The following RTL4 variants were observed in gnomAD, a reference collection of about 807,000 sequenced individuals.
The protein encoded by RTL4 is retrotransposon Gag like 4, also known as retrotransposon Gag-like protein 4.
In RTL4, 4 loss-of-function variants were observed where a neutral mutation model predicts 5.3. The observed-to-expected ratio is 0.75, with a 90% CI of 0.37 to 1.72. The LOEUF (loss-of-function observed/expected upper bound fraction) is 1.72, where lower values mean the gene tolerates loss of function less well. Among genes scored for constraint, RTL4 ranks in the 40% most tolerant of loss-of-function variants. The pLI is 0.04. For missense variants in RTL4, 260 were observed against 227.1 expected, an observed-to-expected ratio of 1.14 and a Z score of -0.93; for synonymous variants, 98 against 87.3, an observed-to-expected ratio of 1.12 and a Z score of -0.68.
the RTL4 span, among the ~76,000 whole-genome samples, chrX:112,413,853 T>C: frequency 9.0e-6 from 1 of 111,004 alleles, no homozygotes; most frequent in Non-Finnish European, 1.9e-5. Context: ...TAGAATTGGA[T>C]TGTTTGTAAC....
At chrX:112,281,045 T>A in the RTL4 span, among the ~76,000 whole-genome samples, 4 of 111,040 alleles carry the variant, frequency 3.6e-5, no homozygotes, top group Non-Finnish European at 5.7e-5. Flanking sequence ...AAGAATAGAG[T>A]ACATTGTTAT....
the RTL4 span, among the ~76,000 whole-genome samples, chrX:112,373,959 T>A: frequency 2.7e-4 from 30 of 111,091 alleles, no homozygotes; most frequent in Non-Finnish European, 4.5e-4. Context: ...TTATCAGTAG[T>A]TTGTTTCTTT....
chrX:112,346,401 G>A, the RTL4 span, among the ~76,000 whole-genome samples: 2 of 111,405 alleles, frequency 1.8e-5, no homozygotes, highest in African/African-American at 6.5e-5. Flanking sequence ...AGCCAATGAT[G>A]AGGGAAGGGC....
the RTL4 span, among the ~76,000 whole-genome samples, chrX:112,378,086 A>C: frequency 2.7e-5 from 3 of 111,572 alleles, no homozygotes; most frequent in Middle Eastern, 4.6e-3. Context: ...GATCAGGGCC[A>C]GAGGGCACAA....
chrX:112,454,865 C>T, exon 1 of RTL4: 1 of 1,211,085 alleles, frequency 8.3e-7, no homozygotes, highest in Non-Finnish European at 1.1e-6. Context: ...GTCATGCCTG[C>T]CCTGGCCACC....
chrX:112,455,788 C>A, exon 1 of RTL4: 1 of 632,330 alleles, frequency 1.6e-6, no homozygotes, highest in Non-Finnish European at 2.3e-6. Context: ...AACTGACACG[C>A]TTTGGGGGAA....
At chrX:112,328,910 T>G in the RTL4 span, among the ~76,000 whole-genome samples, 1 of 111,886 alleles carries the variant, frequency 8.9e-6, no homozygotes, top group Admixed American at 9.5e-5. Flanking sequence ...GAATGACTAC[T>G]GGGTACATAA....
chrX:112,133,179 T>C, the RTL4 span, among the ~76,000 whole-genome samples: 2 of 111,873 alleles, frequency 1.8e-5, no homozygotes, highest in African/African-American at 6.5e-5. Context: ...ACATTTCCTT[T>C]GTACCCTCAG....
the RTL4 span, among the ~76,000 whole-genome samples, chrX:112,303,648 C>T: frequency 5.5e-5 from 5 of 91,283 alleles, no homozygotes; most frequent in South Asian, 5.6e-4. Flanking sequence ...AGGAGATATA[C>T]CTAATGCTAA....
the RTL4 span, among the ~76,000 whole-genome samples, chrX:112,240,047 C>A: frequency 8.9e-6 from 1 of 111,884 alleles, no homozygotes; most frequent in Non-Finnish European, 1.9e-5. Flanking sequence ...CACAAAAATG[C>A]TTCAATGAGC....
At chrX:112,384,240 T>C in the RTL4 span, among the ~76,000 whole-genome samples, 4 of 112,451 alleles carry the variant, frequency 3.6e-5, no homozygotes, top group Non-Finnish European at 7.5e-5. Flanking sequence ...TTTTTGCTTT[T>C]GTTGCAATTG....
At chrX:112,410,350 C>T in the RTL4 span, among the ~76,000 whole-genome samples, 3 of 111,748 alleles carry the variant, frequency 2.7e-5, no homozygotes, top group African/African-American at 9.7e-5. Context: ...AATAAAGAAA[C>T]ATTGAACTTA....
the RTL4 span, among the ~76,000 whole-genome samples, chrX:112,096,895 C>T: frequency 6.2e-5 from 7 of 112,279 alleles, no homozygotes; most frequent in Non-Finnish European, 9.4e-5. Context: ...CCAAAGTAAG[C>T]GTTTATTCTT....
chrX:112,171,001 A>G, the RTL4 span, among the ~76,000 whole-genome samples: 1 of 111,519 alleles, frequency 9.0e-6, no homozygotes, highest in Admixed American at 9.5e-5. Flanking sequence ...CTATTGAGAT[A>G]ATTATGTGGT....
chrX:112,161,840 CCTTCCTTTCTTT>C, the RTL4 span, among the ~76,000 whole-genome samples: 8 of 40,066 alleles, frequency 2.0e-4, no homozygotes, highest in African/African-American at 3.7e-4. Flanking sequence ...TTCCTTCCTT[CCTTCCTTTCTTT>C]CTTTCTTTCT....
chrX:112,430,367 G>T, the RTL4 span, among the ~76,000 whole-genome samples: 2 of 110,537 alleles, frequency 1.8e-5, no homozygotes, highest in African/African-American at 3.3e-5. Context: ...CTTCATTTCT[G>T]TTCCAGCGTT....
chrX:112,390,105 TAA>T, the RTL4 span, among the ~76,000 whole-genome samples: 38 of 40,536 alleles, frequency 9.4e-4, no homozygotes, highest in East Asian at 0.012. Context: ...CATTTATATA[TAA>T]TATATATATA....
At chrX:112,111,745 C>A in the RTL4 span, among the ~76,000 whole-genome samples, 1 of 112,392 alleles carries the variant, frequency 8.9e-6, no homozygotes, top group African/African-American at 3.2e-5. Context: ...ACCTGCCTTT[C>A]ATATCCCATT....
the RTL4 span, among the ~76,000 whole-genome samples, chrX:112,240,868 T>C: frequency 1.8e-5 from 2 of 110,523 alleles, no homozygotes; most frequent in Admixed American, 9.7e-5. Flanking sequence ...CCACCTTGTG[T>C]CCATGTGTTC....
Sources: gnomAD v4.1 joint callset for allele counts (sites outside exome capture counted in the v4.1 genomes callset) on GRCh38, gnomAD v4.1.1 for gene constraint, MANE v1.5 for transcripts, NCBI Gene and HGNC (gene_info 2026-07-23, HGNC 2026-07-21) for gene names.